SWT1: variants seen among roughly 807,000 people sequenced by gnomAD.
SWT1 encodes the protein SWT1 RNA endoribonuclease homolog.
SWT1 carries 33 observed loss-of-function variants against 107.3 expected under a neutral mutation model. That is an observed-to-expected ratio of 0.31 (90% CI 0.23 to 0.41). The LOEUF (loss-of-function observed/expected upper bound fraction) is 0.41. Ranked by LOEUF, SWT1 falls within the 10% of genes least tolerant of loss-of-function variation. The pLI is 1.00. For synonymous variants in SWT1, 345 were observed against 348.3 expected, an observed-to-expected ratio of 0.99 and a Z score of 0.11; for missense variants, 898 against 1,028.9, an observed-to-expected ratio of 0.87 and a Z score of 1.74.
chr1:185,174,412 A>G lies in SWT1; in HGVS notation c.265A>G (p.Ile89Val). ...EIDTLRRRPKIGSSSQRPIKL... is the reference protein window; with the variant it reads ...EIDTLRRRPKVGSSSQRPIKL... ...TGACACTCTCAGAAGGAGACCAAAA[A>G]TCGGTTCTTCATCCCAAAGACCTAT... Residue 89 changes from isoleucine to valine, a missense_variant, in exon 5 of 19, where the codon ATC (isoleucine) becomes GTC (valine). By Grantham distance (29) the Ile-to-Val change is conservative. This residue lies in a region of SWT1 where 382 missense variants were observed against 362.4 expected (regional missense o/e 1.05). Coordinates refer to ENST00000367500, the MANE Select transcript of SWT1 (RefSeq NM_017673.7). The G allele has an allele frequency of 6.3e-7, 1 of 1,584,816 alleles. No homozygotes were observed. Among genetic ancestry groups the G allele is most frequent in the Non-Finnish European group, 8.5e-7 (1 of 1,170,516 alleles).
intron 16 of SWT1, among the ~76,000 whole-genome samples, chr1:185,243,207 C>CA (rs1661367412): frequency 6.6e-6 from 1 of 152,086 alleles, no homozygotes; most frequent in African/African-American, 2.4e-5. Context: ...CTCCTGGGCT[C>CA]AGGTGATCCT....
At chr1:185,167,654 T>C (rs1654698306) in intron 3 of SWT1, among the ~76,000 whole-genome samples, 1 of 152,246 alleles carries the variant, frequency 6.6e-6, no homozygotes. Flanking sequence ...GTTCATACCT[T>C]AACTATCCAG....
At chr1:185,278,300 T>C (rs775607586) in intron 18 of SWT1, among the ~76,000 whole-genome samples, 2 of 152,182 alleles carry the variant, frequency 1.3e-5, no homozygotes, top group Non-Finnish European at 2.9e-5. Context: ...TGCAGAGCAT[T>C]GGCTAATTCC....
chr1:185,184,795 T>G lies in SWT1; in HGVS notation c.1293T>G (p.Asp431Glu). The G allele has an allele frequency of 6.2e-7, 1 of 1,608,608 alleles. No homozygotes were observed. Among genetic ancestry groups the G allele is most frequent in the Admixed American group, 1.7e-5 (1 of 58,812 alleles). ...IIPWVVMQEL[D>E]RMKEGKLLKR... Reference sequence around the variant, plus strand: ...CCTGGGTCGTTATGCAAGAGCTAGATCGTATGAAGGAAGGAAAACTACTAA... The same window carrying G: ...CCTGGGTCGTTATGCAAGAGCTAGAGCGTATGAAGGAAGGAAAACTACTAA... The change falls in exon 9 of 19, where the codon GAT becomes GAG. Residue 431 changes from aspartate (D) to glutamate (E), a missense_variant. Asp to Glu is a conservative substitution (Grantham distance 45). Coordinates refer to ENST00000367500, the MANE Select transcript of SWT1 (RefSeq NM_017673.7).
intron 16 of SWT1, among the ~76,000 whole-genome samples, chr1:185,266,118 C>T (rs1038843165): frequency 5.3e-5 from 8 of 151,950 alleles, no homozygotes; most frequent in Non-Finnish European, 8.8e-5. Context: ...GGCTGGAGTG[C>T]AGTGGCGCCA....
chr1:185,190,756 C>G (rs1656882223), intron 10 of SWT1, 114 bp downstream of exon 10: 1 of 615,224 alleles, frequency 1.6e-6, no homozygotes, highest in Non-Finnish European at 2.8e-6. Flanking sequence ...TTTTCCAAAT[C>G]TGCCAGTAAG....
chr1:185,287,930 T>C (rs74863225), intron 18 of SWT1, among the ~76,000 whole-genome samples: 1,582 of 152,242 alleles, frequency 0.01, 38 homozygotes, highest in East Asian at 0.092. Flanking sequence ...TAGAGCTCAT[T>C]TCTTAATTAC....
Position 185,210,302 on chromosome 1 carries a change from T to C in SWT1, c.1972+3539T>C, listed in dbSNP as rs565906305. Among the ~76,000 whole-genome samples, 13 of 152,356 alleles carry C rather than the reference T, an allele frequency of 8.5e-5. No individual in the cohort carries two copies. In the East Asian group the frequency reaches 2.3e-3, roughly 27 times the overall value. On this transcript the variant is annotated intron_variant, in intron 13 of 18. Transcript: ENST00000367500. ...TAGTCATGAAGTCTTTGCTCATGCCTATGCCCTGAATGGTATTGCCTAGGT... is the reference window on the plus strand; with the variant it reads ...TAGTCATGAAGTCTTTGCTCATGCCCATGCCCTGAATGGTATTGCCTAGGT...
In SWT1 at chr1:185,291,748, T is replaced by C. The variant is rs1665256570; in HGVS notation, c.*945T>C. ...TGTACATAAGGTATGATTATAAAAG[T>C]GACTGTCTGCAATAAAAGAGAACTT... On this transcript the variant is annotated 3_prime_UTR_variant, in exon 19 of 19. Transcript: ENST00000367500. 1 of 152,502 alleles carries C rather than the reference T, an allele frequency of 6.6e-6. No individual in the cohort carries two copies. The highest frequency in any genetic ancestry group is 1.5e-5 in the Non-Finnish European group (1 of 68,028). The allele number at this position is 152,502 out of a possible 1,614,324, so 9.4% of individuals were successfully genotyped here.
intron 15 of SWT1, among the ~76,000 whole-genome samples, chr1:185,229,296 A>G (rs549234414): frequency 1.3e-5 from 2 of 152,214 alleles, no homozygotes; most frequent in South Asian, 4.2e-4. Context: ...AAACAACAAG[A>G]TTTGCCGATA....
At chr1:185,175,247 G>C in intron 5 of SWT1, 134 bp downstream of exon 5, 2 of 811,522 alleles carry the variant, frequency 2.5e-6, no homozygotes, top group Non-Finnish European at 3.5e-6. Context: ...TTTTGAGACA[G>C]GGTCTCACTC....
At chr1:185,223,514 A>G (rs1659831422) in intron 15 of SWT1, among the ~76,000 whole-genome samples, 4 of 152,002 alleles carry the variant, frequency 2.6e-5, no homozygotes, top group Admixed American at 2.0e-4. Context: ...TAGCCACTCT[A>G]ACTGGAGTGA....
rs144894795 is a variant in SWT1, at chr1:185,207,492, A to G, written c.1972+729A>G. Among the ~76,000 whole-genome samples the G allele has an allele frequency of 5.2e-4, 79 of 152,360 alleles. No homozygotes were observed. The East Asian group carries it at 8.9e-3, about 17-fold the overall frequency. ...AAAAAAGTTTATCTGCTGTGAGGAA[A>G]AAAATGTGAGAAAAACTGATCTAAT... On this transcript the variant is annotated intron_variant, in intron 13 of 18. Transcript: ENST00000367500.
At chr1:185,266,814 G>A (rs377151120) in intron 16 of SWT1, among the ~76,000 whole-genome samples, 3 of 152,262 alleles carry the variant, frequency 2.0e-5, no homozygotes, top group African/African-American at 7.2e-5. Context: ...AGTCAGGGCC[G>A]CTAGTGAGTG....
At chr1:185,226,593 G>A (rs1371783499) in intron 15 of SWT1, among the ~76,000 whole-genome samples, 2 of 152,140 alleles carry the variant, frequency 1.3e-5, no homozygotes, top group East Asian at 3.8e-4. Context: ...CAGGTTTGTA[G>A]CTCATCAGGT....
At chr1:185,227,394 C>A in intron 15 of SWT1, 1 of 695,528 alleles carries the variant, frequency 1.4e-6, no homozygotes, top group Non-Finnish European at 2.7e-6. Context: ...CAGCAGCAGG[C>A]CAGTACAATA....
intron 17 of SWT1, among the ~76,000 whole-genome samples, chr1:185,273,957 A>G (rs1466275836): frequency 6.6e-6 from 1 of 152,092 alleles, no homozygotes; most frequent in South Asian, 2.1e-4. Context: ...GTGAGCCATG[A>G]TCATAGCACT....
At chr1:185,210,675 T>C (rs1393935244) in intron 13 of SWT1, among the ~76,000 whole-genome samples, 1 of 152,056 alleles carries the variant, frequency 6.6e-6, no homozygotes, top group Admixed American at 6.6e-5. Flanking sequence ...CTATTGAACA[T>C]AGTATTGGAA....
chr1:185,261,594 G>A (rs1030310182), intron 16 of SWT1, among the ~76,000 whole-genome samples: 6 of 151,624 alleles, frequency 4.0e-5, no homozygotes, highest in Non-Finnish European at 5.9e-5. Flanking sequence ...ATCACAGCTG[G>A]CTGTACATTT....
Sources: allele counts gnomAD v4.1 joint callset (sites outside exome capture counted in the v4.1 genomes callset), GRCh38; gene constraint gnomAD v4.1.1; regional missense constraint gnomAD v4.1.1; transcripts MANE v1.5; gene names NCBI Gene and HGNC (gene_info 2026-07-23, HGNC 2026-07-21).